The following ZNF532 variants were observed in gnomAD, a reference collection of about 807,000 sequenced individuals.
ZNF532 encodes the protein zinc finger protein 532.
Under a neutral mutation model 89.3 loss-of-function variants are expected in ZNF532, and 22 were observed. The observed-to-expected ratio is 0.25, with a 90% CI of 0.18 to 0.35. The LOEUF (loss-of-function observed/expected upper bound fraction) is 0.35, where lower values mean the gene tolerates loss of function less well. ZNF532 is among the 10% of genes least tolerant of loss of function. ZNF532 has a pLI of 1.00. For missense variants in ZNF532, 1,132 were observed against 1,643.4 expected (o/e 0.69, Z 5.38); for synonymous variants, 606 against 649.6 (o/e 0.93, Z 1.02).
At chr18:58,946,534 A>G (rs1253296514) in intron 5 of ZNF532, among the ~76,000 whole-genome samples, 2 of 152,026 alleles carry the variant, frequency 1.3e-5, no homozygotes, top group Non-Finnish European at 2.9e-5. Flanking sequence ...CAGCTTCCCA[A>G]AGTGCTGGGA....
At chr18:58,915,664 C>T (rs770924452) in intron 2 of ZNF532, among the ~76,000 whole-genome samples, 15 of 152,146 alleles carry the variant, frequency 9.9e-5, no homozygotes, top group Non-Finnish European at 8.8e-5. Flanking sequence ...GGTTCCTGTA[C>T]GTGCAACAGC....
chr18:58,875,965 C>T (rs1250973248), intron 2 of ZNF532, among the ~76,000 whole-genome samples: 3 of 141,614 alleles, frequency 2.1e-5, no homozygotes, highest in Non-Finnish European at 3.0e-5. Context: ...CAGAGTCTCG[C>T]TCTGTCGCCC....
chr18:58,901,808 A>G (rs1460637585), intron 2 of ZNF532, among the ~76,000 whole-genome samples: 2 of 152,106 alleles, frequency 1.3e-5, no homozygotes, highest in African/African-American at 4.8e-5. Context: ...CTGGAGCTCC[A>G]GGATTTCTCT....
At position 58,986,266 on chromosome 18, in the gene ZNF532, T is replaced by C. The variant is rs2068379089; in HGVS notation, c.*1800T>C. ...ATTTGAACCTTGCAATAAGCCTGTG[T>C]GGTAGGCCACATAGGTCCGAATAAC... On this transcript the variant is annotated 3_prime_UTR_variant, in exon 10 of 10. Coordinates refer to ENST00000591808, the MANE Select transcript of ZNF532 (RefSeq NM_001375912.1). 1 of 152,652 alleles carries C rather than the reference T, an allele frequency of 6.6e-6. No homozygotes were observed. Among genetic ancestry groups the C allele is most frequent in the African/African-American group, 2.4e-5 (1 of 41,450 alleles). 9.5% of individuals were successfully genotyped at this position (152,652 alleles called of 1,614,324 possible). A position where few individuals can be genotyped will look rare whatever the true frequency, so the allele number is the denominator to read the frequency against.
At chr18:58,912,830 C>A (rs2060361172) in intron 2 of ZNF532, among the ~76,000 whole-genome samples, 1 of 152,058 alleles carries the variant, frequency 6.6e-6, no homozygotes, top group Non-Finnish European at 1.5e-5. Flanking sequence ...TGAGAATCTG[C>A]CATTTTTGGG....
intron 7 of ZNF532, among the ~76,000 whole-genome samples, chr18:58,958,243 AT>A (rs1362559942): frequency 1.3e-5 from 2 of 152,320 alleles, no homozygotes; most frequent in Admixed American, 6.5e-5. Context: ...CTTTAAAAAA[AT>A]ATTGACAGAT....
chr18:58,885,623 G>T (rs2058245418), intron 2 of ZNF532, among the ~76,000 whole-genome samples: 3 of 152,100 alleles, frequency 2.0e-5, no homozygotes, highest in Admixed American at 1.3e-4. Flanking sequence ...GGGAGGCCGA[G>T]GAGGGTGAAT....
At chr18:58,900,300 A>G (rs2059521602) in intron 2 of ZNF532, among the ~76,000 whole-genome samples, 1 of 152,000 alleles carries the variant, frequency 6.6e-6, no homozygotes, top group African/African-American at 2.4e-5. Flanking sequence ...TGCCTGGGGG[A>G]TAAACTTGGC....
chr18:58,898,180 C>T (rs559079225), intron 2 of ZNF532, among the ~76,000 whole-genome samples: 4 of 152,192 alleles, frequency 2.6e-5, no homozygotes, highest in Non-Finnish European at 2.9e-5. Context: ...TGAGATAGTA[C>T]CTGCTGACTG....
chr18:58,865,651 G>A (rs1426188830), intron 2 of ZNF532, 72 bp downstream of exon 2: 1 of 152,584 alleles, frequency 6.6e-6, no homozygotes, highest in Admixed American at 6.5e-5. Context: ...ACGGACCGTG[G>A]ATTGCTACCC....
chr18:58,914,258 A>G (rs985500869), intron 2 of ZNF532, among the ~76,000 whole-genome samples: 73 of 152,312 alleles, frequency 4.8e-4, no homozygotes, highest in Middle Eastern at 6.8e-3. Flanking sequence ...AGTTCTTTCA[A>G]TTTCCTTTTT....
chr18:58,862,996 C>G (rs2056098431), upstream of ZNF532: 1 of 152,234 alleles, frequency 6.6e-6, no homozygotes, highest in Non-Finnish European at 1.5e-5. Context: ...CCCCTTCTTC[C>G]ACCTCCAGGG....
chr18:58,942,336 TCCCTCCCTCCCTC>T (rs1568382825), intron 5 of ZNF532, among the ~76,000 whole-genome samples: 6 of 28,274 alleles, frequency 2.1e-4, no homozygotes, highest in African/African-American at 1.2e-3. Context: ...CCTCCCTCCC[TCCCTCCCTCCCTC>T]CCTTCCTTCC....
chr18:58,880,760 GCAC>G (rs1555704658), intron 2 of ZNF532, among the ~76,000 whole-genome samples: 29,151 of 140,236 alleles, frequency 0.21, 3,995 homozygotes, highest in Middle Eastern at 0.39. Context: ...AGGCGCGCGC[GCAC>G]GCGCGCGCGT....
chr18:58,919,265 A>G lies in ZNF532; in HGVS notation c.978A>G (p.Lys326=), dbSNP rs750846626. 1.2e-6 allele frequency: 2 copies of G among 1,614,072 alleles called. No individual in the cohort carries two copies. Among genetic ancestry groups the G allele is most frequent in the Non-Finnish European group, 1.7e-6 (2 of 1,179,964 alleles). ...ESQNLIDGTK[K]PSLKQPDSPR... ...AGAATCTCATCGACGGGACCAAAAAACCATCCCTGAAGCAACCGGATAGTC... is the reference window on the plus strand; with the variant it reads ...AGAATCTCATCGACGGGACCAAAAAGCCATCCCTGAAGCAACCGGATAGTC... The change falls in exon 3 of 10, where the codon AAA becomes AAG. Residue 326 remains lysine, a synonymous_variant. Coordinates refer to ENST00000591808, the MANE Select transcript of ZNF532 (RefSeq NM_001375912.1). The surrounding 1 kb of genome is among the most constrained non-coding windows in gnomAD (Gnocchi z 6.1).
Position 58,865,009 on chromosome 18 carries a change from A to C in ZNF532, c.-504A>C, listed in dbSNP as rs1367915654. ...CTGGTACGTGACTAATGGAGCCCTA[A>C]AAGATTCTGGGTAGAGAAGATGGAA... On this transcript the variant is annotated 5_prime_UTR_variant, in exon 1 of 10. An upstream open reading frame in the 5' UTR loses its in-frame stop. Coordinates refer to ENST00000591808, the MANE Select transcript of ZNF532 (RefSeq NM_001375912.1). 1 of 152,236 alleles carries C rather than the reference A, an allele frequency of 6.6e-6. No individual in the cohort carries two copies. Among genetic ancestry groups the C allele is most frequent in the East Asian group, 1.9e-4 (1 of 5,200 alleles). The allele number at this position is 152,236 out of a possible 1,614,324, so 9.4% of individuals were successfully genotyped here.
intron 2 of ZNF532, among the ~76,000 whole-genome samples, chr18:58,871,143 C>A (rs1486461268): frequency 6.6e-6 from 1 of 152,142 alleles, no homozygotes; most frequent in Non-Finnish European, 1.5e-5. Flanking sequence ...AGTTGGAGGG[C>A]AGAAGATTCC....
chr18:58,968,080 A>T (rs2066104598), intron 7 of ZNF532, among the ~76,000 whole-genome samples: 1 of 152,222 alleles, frequency 6.6e-6, no homozygotes, highest in African/African-American at 2.4e-5. Context: ...GTTTACAGAC[A>T]CTTAAGACAT....
chr18:58,954,050 A>ACCTAT (rs1252347732), intron 7 of ZNF532: 1 of 984,754 alleles, frequency 1.0e-6, no homozygotes. Context: ...GTGGTAAGTT[A>ACCTAT]CCTATCACAT....
Sources: allele counts gnomAD v4.1 joint callset (sites outside exome capture counted in the v4.1 genomes callset), GRCh38; gene constraint gnomAD v4.1.1; non-coding constraint Gnocchi (gnomAD v3.1); transcripts MANE v1.5; gene names NCBI Gene and HGNC (gene_info 2026-07-23, HGNC 2026-07-21).